The following CYSTM1 variants were observed in gnomAD, a reference collection of about 807,000 sequenced individuals.
CYSTM1 encodes cysteine rich transmembrane module containing 1.
In CYSTM1, 4 loss-of-function variants were observed where a neutral mutation model predicts 13.1. That is an observed-to-expected ratio of 0.31 (90% CI 0.15 to 0.70). The LOEUF is 0.70. Ranked by LOEUF, CYSTM1 falls within the 30% of genes least tolerant of loss-of-function variation. CYSTM1 has a pLI of 0.72. For missense variants in CYSTM1, 96 were observed against 121.6 expected, an observed-to-expected ratio of 0.79 and a Z score of 0.99; for synonymous variants, 36 against 42.7, an observed-to-expected ratio of 0.84 and a Z score of 0.62.
chr5:140,236,919 G>A (rs1024186584), intron 2 of CYSTM1, among the ~76,000 whole-genome samples: 1 of 152,166 alleles, frequency 6.6e-6, no homozygotes, highest in Non-Finnish European at 1.5e-5. Context: ...GTCTTTACTG[G>A]AAAATGCCAA....
At chr5:140,189,712 T>G in intron 1 of CYSTM1, among the ~76,000 whole-genome samples, 1 of 152,178 alleles carries the variant, frequency 6.6e-6, no homozygotes, top group South Asian at 2.1e-4. Flanking sequence ...AGCTTTCAGT[T>G]TGGGACTATT....
rs968611788 is a variant in CYSTM1 at position 140,230,632 on chromosome 5, A to G, written c.188-12673A>G. On this transcript the variant is annotated intron_variant, in intron 2 of 2. Transcript: ENST00000261811. This position sits in a 1 kb window ranked among gnomAD's most constrained non-coding sequence, Gnocchi z 4.1. ...AGCAGGCTCATTCTGTCCAAACTCC[A>G]GCTGGCCATATTGGTTCTAACAGAT... is the stretch of plus-strand genomic sequence containing the variant. 6.6e-6 allele frequency among the ~76,000 whole-genome samples: 1 copy of G among 152,240 alleles called. No individual in the cohort carries two copies.
At chr5:140,240,893 AG>A (rs1764739667) in intron 2 of CYSTM1, among the ~76,000 whole-genome samples, 1 of 152,150 alleles carries the variant, frequency 6.6e-6, no homozygotes, top group African/African-American at 2.4e-5. Flanking sequence ...CCAACAGCCC[AG>A]GAGCAGAGAT....
intron 2 of CYSTM1, among the ~76,000 whole-genome samples, chr5:140,236,542 CT>C (rs1239003632): frequency 2.0e-5 from 3 of 152,348 alleles, no homozygotes; most frequent in Middle Eastern, 3.4e-3. Flanking sequence ...CACGATGAAA[CT>C]TTCCTCTCTG....
At chr5:140,183,396 C>A (rs1763980872) in intron 1 of CYSTM1, among the ~76,000 whole-genome samples, 1 of 152,174 alleles carries the variant, frequency 6.6e-6, no homozygotes, top group South Asian at 2.1e-4. Context: ...CTTGCTGGGC[C>A]CCATTTTCTC....
At chr5:140,208,055 A>G (rs1764318496) in intron 2 of CYSTM1, among the ~76,000 whole-genome samples, 1 of 152,248 alleles carries the variant, frequency 6.6e-6, no homozygotes, top group Non-Finnish European at 1.5e-5. Context: ...AACTAAAAAT[A>G]GAGGTACTCT....
At chr5:140,217,237 G>A (rs1346978688) in intron 2 of CYSTM1, among the ~76,000 whole-genome samples, 2 of 152,128 alleles carry the variant, frequency 1.3e-5, no homozygotes, top group Non-Finnish European at 2.9e-5. Flanking sequence ...TTCTTAATGG[G>A]TAAAAGTGAC....
chr5:140,193,415 C>T (rs542360764), intron 1 of CYSTM1, among the ~76,000 whole-genome samples: 3 of 152,252 alleles, frequency 2.0e-5, no homozygotes, highest in East Asian at 1.9e-4. Flanking sequence ...TCCTGAGTAG[C>T]GGGACTACAA....
At chr5:140,198,568 G>A (rs1379565824) in intron 2 of CYSTM1, among the ~76,000 whole-genome samples, 1 of 152,206 alleles carries the variant, frequency 6.6e-6, no homozygotes, top group African/African-American at 2.4e-5. Context: ...CCAGGATTTT[G>A]GGCTAGGCCC....
chr5:140,190,388 G>A (rs1220537505), intron 1 of CYSTM1, among the ~76,000 whole-genome samples: 1 of 151,926 alleles, frequency 6.6e-6, no homozygotes, highest in African/African-American at 2.4e-5. Context: ...ATTTATGTAT[G>A]AGGCAGTAAA....
intron 2 of CYSTM1, among the ~76,000 whole-genome samples, chr5:140,206,388 A>T (rs1764298741): frequency 6.6e-6 from 1 of 152,112 alleles, no homozygotes; most frequent in Non-Finnish European, 1.5e-5. Flanking sequence ...AGATTTTTGA[A>T]TGTTATATTC....
At chr5:140,194,386 T>A in intron 1 of CYSTM1, 60 bp from the exon 2 acceptor site, 1 of 1,442,036 alleles carries the variant, frequency 6.9e-7, no homozygotes, top group Non-Finnish European at 9.2e-7. Flanking sequence ...GGGTTAGGAT[T>A]TTATTCCTGA....
intron 2 of CYSTM1, among the ~76,000 whole-genome samples, chr5:140,242,480 A>G (rs2126674607): frequency 6.6e-6 from 1 of 152,354 alleles, no homozygotes; most frequent in African/African-American, 2.4e-5. Flanking sequence ...TATGAGTTTG[A>G]TGACAGTGGT....
In CYSTM1 at chr5:140,193,266, G is replaced by A. The variant is rs559777255; in HGVS notation, c.-20-1180G>A. The stretch of plus-strand genomic sequence containing the variant: ...TAGAGTTTATACTTTGCATTCCCCA[G>A]TAATTGTTTGTTTGTTTGTTTGTTT... On this transcript the variant is annotated intron_variant, in intron 1 of 2. Coordinates refer to ENST00000261811, the MANE Select transcript of CYSTM1 (RefSeq NM_032412.4). 1.6e-4 allele frequency among the ~76,000 whole-genome samples: 19 copies of A among 121,428 alleles called. No individual in the cohort carries two copies. The East Asian group carries it at 4.7e-3, about 30-fold the overall frequency. 79.7% of individuals were successfully genotyped at this position (121,428 alleles called of 152,430 possible). A position where few individuals can be genotyped will look rare whatever the true frequency, so the allele number is the denominator to read the frequency against.
chr5:140,222,641 T>TG (rs1764505051), intron 2 of CYSTM1, among the ~76,000 whole-genome samples: 1 of 152,264 alleles, frequency 6.6e-6, no homozygotes, highest in Non-Finnish European at 1.5e-5. Context: ...CTGTGGGCCA[T>TG]GTGGCTCTTG....
At chr5:140,241,390 C>G (rs560376416) in intron 2 of CYSTM1, among the ~76,000 whole-genome samples, 1 of 152,328 alleles carries the variant, frequency 6.6e-6, no homozygotes, top group South Asian at 2.1e-4. Context: ...GCCCCATGTC[C>G]AGAAAGCCCT....
rs772707713 is a variant in CYSTM1 at position 140,243,476 on chromosome 5, C to T, written c.*65C>T. The T allele has an allele frequency of 3.4e-5, 47 of 1,382,424 alleles. No individual in the cohort carries two copies. Among genetic ancestry groups the T allele is most frequent in the Non-Finnish European group, 4.5e-5 (44 of 986,400 alleles). 85.6% of individuals were successfully genotyped at this position (1,382,424 alleles called of 1,614,324 possible). A position where few individuals can be genotyped will look rare whatever the true frequency, so the allele number is the denominator to read the frequency against. ...CCACCTCTGACAGGTGTGCCTGCCC[C>T]CATCTCTTCTGATTGCTGTTAACAA... is the stretch of plus-strand genomic sequence containing the variant. On this transcript the variant is annotated 3_prime_UTR_variant, in exon 3 of 3. Transcript: ENST00000261811.
At chr5:140,216,967 C>T (rs13178142) in intron 2 of CYSTM1, among the ~76,000 whole-genome samples, 29,463 of 152,132 alleles carry the variant, frequency 0.19, 3,040 homozygotes, top group South Asian at 0.24. Flanking sequence ...TTCTAGTCAT[C>T]AGGCCCTTTC....
chr5:140,206,758 G>C (rs759088028), intron 2 of CYSTM1, among the ~76,000 whole-genome samples: 1 of 152,118 alleles, frequency 6.6e-6, no homozygotes, highest in African/African-American at 2.4e-5. Context: ...AGCCTCCCAA[G>C]TAGCTGGGAC....
Sources: gnomAD v4.1 joint callset for allele counts (sites outside exome capture counted in the v4.1 genomes callset) on GRCh38, gnomAD v4.1.1 for gene constraint, Gnocchi (gnomAD v3.1) non-coding constraint, MANE v1.5 for transcripts, NCBI Gene and HGNC (gene_info 2026-07-23, HGNC 2026-07-21) for gene names.